Variants in SLC7A9 observed in about 807,000 individuals in gnomAD.
The protein encoded by SLC7A9 is solute carrier family 7 member 9.
Under a neutral mutation model 54.1 loss-of-function variants are expected in SLC7A9, and 38 were observed. That is an observed-to-expected ratio of 0.70 (90% confidence interval 0.54 to 0.92). SLC7A9 has a LOEUF of 0.92. Among genes scored for constraint, SLC7A9 ranks in the 40% least tolerant of loss-of-function variants. The pLI is 0.00. For missense variants in SLC7A9, 537 were observed against 636.1 expected (o/e 0.84, Z 1.68); for synonymous variants, 264 against 258.9 (o/e 1.02, Z -0.19).
chr19:32,840,382 T>C (rs1968095353), intron 11 of SLC7A9, among the ~76,000 whole-genome samples: 1 of 152,114 alleles, frequency 6.6e-6, no homozygotes, highest in Non-Finnish European at 1.5e-5. Context: ...AAGCTGGTCT[T>C]GAACTCCTGG....
At chr19:32,836,839 C>CCAGCT (rs1967971839) in intron 11 of SLC7A9, among the ~76,000 whole-genome samples, 1 of 152,204 alleles carries the variant, frequency 6.6e-6, no homozygotes, top group South Asian at 2.1e-4. Flanking sequence ...TAGCCTTTAG[C>CCAGCT]ATGGCCTGTC....
Position 32,843,892 on chromosome 19 carries a change from A to G in SLC7A9, c.1037T>C (p.Val346Ala). ...HMLKVLSYIS[V>A]RRLTPAPAII... is the part of the protein sequence containing the mutation. ...GGCGGGGGCTGGAGTGAGGCGCCTG[A>G]CGCTGATGTAAGAAAGCACTTTGAG... The change falls in exon 10 of 13, where the codon GTC becomes GCC. Residue 346 changes from valine to alanine, a missense_variant. Physicochemically the swap from Val to Ala is moderately conservative, Grantham distance 64. Coordinates refer to ENST00000023064, the MANE Select transcript of SLC7A9 (RefSeq NM_014270.5). 6.2e-7 allele frequency: 1 copy of G among 1,613,962 alleles called. No individual in the cohort carries two copies.
chr19:32,835,164 T>C (rs1453565940), intron 11 of SLC7A9, among the ~76,000 whole-genome samples: 2 of 152,218 alleles, frequency 1.3e-5, no homozygotes, highest in Non-Finnish European at 2.9e-5. Context: ...AGTCATGATA[T>C]ATTATCTTTT....
chr19:32,842,327 A>G lies in SLC7A9; in HGVS notation c.1075-10T>C. The G allele has an allele frequency of 1.9e-6, 3 of 1,612,170 alleles. No homozygotes were observed. The highest frequency in any genetic ancestry group is 2.5e-6 in the Non-Finnish European group (3 of 1,178,474). On this transcript the variant is annotated splice_polypyrimidine_tract_variant and intron_variant, in intron 10 of 12. Transcript: ENST00000023064. ...TCGTTGCTATGATACCCTAATAGAA[A>G]GAAGAATGGATTTGTAGGTCATTAC...
At chr19:32,830,866 C>T (rs990947939) in intron 12 of SLC7A9, among the ~76,000 whole-genome samples, 182 bp from the exon 13 acceptor site, 1 of 152,122 alleles carries the variant, frequency 6.6e-6, no homozygotes, top group African/African-American at 2.4e-5. Context: ...TGGCTTCTGT[C>T]TTCTCCCAGA....
At chr19:32,851,352 T>C (rs1295350943) in intron 9 of SLC7A9, among the ~76,000 whole-genome samples, 1 of 151,848 alleles carries the variant, frequency 6.6e-6, no homozygotes, top group Non-Finnish European at 1.5e-5. Flanking sequence ...CATCAAAAAG[T>C]GGGCAAAGGA....
At chr19:32,844,876 A>AAAAAAAAAAAAAAAAAAAC (rs1968238865) in intron 9 of SLC7A9, among the ~76,000 whole-genome samples, 1 of 148,920 alleles carries the variant, frequency 6.7e-6, no homozygotes, top group Non-Finnish European at 1.5e-5. Flanking sequence ...AAAAAAAAAA[A>AAAAAAAAAAAAAAAAAAAC]AAAAAAAGCC....
intron 11 of SLC7A9, among the ~76,000 whole-genome samples, chr19:32,840,822 CCT>C (rs1265367109): frequency 6.6e-6 from 1 of 152,146 alleles, no homozygotes; most frequent in African/African-American, 2.4e-5. Context: ...CCACGTGCGC[CCT>C]CTCTCCTGGG....
In SLC7A9 at chr19:32,851,311, C is replaced by G. The variant is rs962333378; in HGVS notation, c.977+7129G>C. ...GCTAATATCCAGAATCTACAATGAA[C>G]TCAAACAAATTTACAAGAAAAAAAC... On this transcript the variant is annotated intron_variant, in intron 9 of 12. Coordinates refer to ENST00000023064, the MANE Select transcript of SLC7A9 (RefSeq NM_014270.5). 5.3e-5 allele frequency among the ~76,000 whole-genome samples: 8 copies of G among 151,858 alleles called. 1 individual carries two copies. Among genetic ancestry groups the G allele is most frequent in the Admixed American group, 3.9e-4 (6 of 15,232 alleles).
chr19:32,848,386 C>T (rs1051541555), intron 9 of SLC7A9, among the ~76,000 whole-genome samples: 3 of 152,094 alleles, frequency 2.0e-5, no homozygotes, highest in African/African-American at 7.2e-5. Flanking sequence ...GGGTTGCAAT[C>T]CTAGTCTCTG....
intron 1 of SLC7A9, 51 bp from the exon 2 acceptor site, chr19:32,868,696 C>A: frequency 1.4e-6 from 1 of 694,430 alleles, no homozygotes; most frequent in Non-Finnish European, 2.6e-6. Context: ...CGCTGCCAGT[C>A]CCTCAGGGCT....
Position 32,862,535 on chromosome 19 carries a change from T to C in SLC7A9, c.530A>G (p.Gln177Arg). Reference sequence around the variant, plus strand: ...CAGCTTGGCCGCGGTGAAGATGTTCTGGACGTAGCTTCCCAGCCGCACGCT... The same window carrying C: ...CAGCTTGGCCGCGGTGAAGATGTTCCGGACGTAGCTTCCCAGCCGCACGCT... ...SLSVRLGSYV[Q>R]NIFTAAKLVI... Residue 177 changes from glutamine (Q) to arginine (R), a missense_variant, in exon 5 of 13, where the codon CAG becomes CGG. Gln to Arg is a conservative substitution (Grantham distance 43). Coordinates refer to ENST00000023064, the MANE Select transcript of SLC7A9 (RefSeq NM_014270.5). 1.9e-6 allele frequency: 3 copies of C among 1,613,898 alleles called. No individual in the cohort carries two copies. Among genetic ancestry groups the C allele is most frequent in the Non-Finnish European group, 1.7e-6 (2 of 1,180,038 alleles).
chr19:32,846,457 G>A (rs750740473), intron 9 of SLC7A9, among the ~76,000 whole-genome samples: 1 of 152,208 alleles, frequency 6.6e-6, no homozygotes, highest in Non-Finnish European at 1.5e-5. Context: ...CAAGGCGGCA[G>A]CGAGGCTGGG....
intron 5 of SLC7A9, 84 bp downstream of exon 5, chr19:32,862,377 G>C (rs924588735): frequency 1.3e-6 from 2 of 1,583,090 alleles, no homozygotes; most frequent in Non-Finnish European, 1.7e-6. Context: ...CTTGGAGATG[G>C]GCTCGTGGGG....
intron 12 of SLC7A9, among the ~76,000 whole-genome samples, chr19:32,832,462 C>T (rs1372810555): frequency 6.6e-6 from 1 of 151,868 alleles, no homozygotes; most frequent in African/African-American, 2.4e-5. Flanking sequence ...TGGTGCACAC[C>T]TGTAATCCCA....
intron 9 of SLC7A9, among the ~76,000 whole-genome samples, chr19:32,845,036 C>T (rs1001385048): frequency 1.3e-5 from 2 of 151,560 alleles, no homozygotes; most frequent in Non-Finnish European, 2.9e-5. Flanking sequence ...TGGTGGTGGG[C>T]GCCTGTACTC....
intron 9 of SLC7A9, among the ~76,000 whole-genome samples, chr19:32,848,973 T>G (rs1968383432): frequency 6.6e-6 from 1 of 152,080 alleles, no homozygotes; most frequent in Non-Finnish European, 1.5e-5. Context: ...ATAAAGATGT[T>G]CTTTGAAACC....
chr19:32,842,072 T>C, intron 11 of SLC7A9, 96 bp downstream of exon 11: 2 of 1,200,322 alleles, frequency 1.7e-6, no homozygotes, highest in South Asian at 1.2e-5. Context: ...TCAAGTCAGA[T>C]TGGAACTAGA....
At chr19:32,832,865 T>C (rs1178557000) in intron 12 of SLC7A9, 1 of 401,940 alleles carries the variant, frequency 2.5e-6, no homozygotes, top group Non-Finnish European at 4.7e-6. Context: ...GCTATGACCA[T>C]GCCACTGCAC....
Sources: allele counts gnomAD v4.1 joint callset (sites outside exome capture counted in the v4.1 genomes callset), GRCh38; gene constraint gnomAD v4.1.1; transcripts MANE v1.5; gene names NCBI Gene and HGNC (gene_info 2026-07-23, HGNC 2026-07-21).